The following HTD2 variants were observed in gnomAD, a reference collection of about 807,000 sequenced individuals.
The protein encoded by HTD2 is hydroxyacyl-thioester dehydratase type 2.
A neutral mutation model predicts 3.1 loss-of-function variants in HTD2; 1 was observed. That is an observed-to-expected ratio of 0.32 (90% CI 0.11 to 1.52). The LOEUF is 1.52. Ranked by LOEUF, HTD2 falls within the 40% of genes most tolerant of loss-of-function variation. HTD2 has a pLI of 0.39. For missense variants in HTD2, 150 were observed against 79.6 expected (o/e 1.88, Z -3.36); for synonymous variants, 50 against 28.9 (o/e 1.73, Z -2.34).
In HTD2 at chr3:58,316,366, G is replaced by A; in HGVS notation, c.-330-149G>A. ...CAGAACATTCTAGGCAGGGGGAGCT[G>A]TAAGTAGGCAACTAAAGTGCCAGCA... On this transcript the variant is annotated intron_variant, in intron 2 of 4. Coordinates refer to ENST00000461393, the MANE Select transcript of HTD2 (RefSeq NM_001348712.2). 3 of 661,934 alleles carry A rather than the reference G, an allele frequency of 4.5e-6. No homozygotes were observed. The African/African-American group carries it at 5.4e-5, about 12-fold the overall frequency. 41.0% of individuals were successfully genotyped at this position (661,934 alleles called of 1,614,324 possible).
Position 58,317,751 on chromosome 3 carries a change from G to A in HTD2, c.138G>A (p.Arg46=). 1.4e-6 allele frequency: 1 copy of A among 703,290 alleles called. No individual in the cohort carries two copies. The highest frequency in any genetic ancestry group is 2.6e-6 in the Non-Finnish European group (1 of 385,010). 43.6% of individuals were successfully genotyped at this position (703,290 alleles called of 1,614,324 possible). A position where few individuals can be genotyped will look rare whatever the true frequency, so the allele number is the denominator to read the frequency against. Residue 46 remains arginine (R), a synonymous_variant, in exon 5 of 5, where the codon AGG becomes AGA. Transcript: ENST00000461393. ...IKVGDRAELR[R]AFTQTDVATF... ...TTGGAGACCGCGCTGAACTTAGGAG[G>A]GCCTTCACACAGACTGATGTGGCTA...
intron 2 of HTD2, among the ~76,000 whole-genome samples, chr3:58,314,244 G>A (rs917019076): frequency 2.6e-5 from 4 of 152,128 alleles, no homozygotes; most frequent in Non-Finnish European, 4.4e-5. Flanking sequence ...CCAGCTACTC[G>A]GGAGGTTAAG....
At chr3:58,308,707 G>T (rs958295006) in intron 1 of HTD2, among the ~76,000 whole-genome samples, 2 of 152,204 alleles carry the variant, frequency 1.3e-5, no homozygotes, top group Admixed American at 1.3e-4. Flanking sequence ...CCATAGCTCT[G>T]TGACCTTGGA....
chr3:58,316,312 GA>G (rs2097488227), intron 2 of HTD2, among the ~76,000 whole-genome samples: 3 of 152,216 alleles, frequency 2.0e-5, no homozygotes, highest in Admixed American at 2.0e-4. Flanking sequence ...CAAAGGATGA[GA>G]GACATCAGCC....
chr3:58,313,246 G>A (rs1241635810), intron 2 of HTD2, among the ~76,000 whole-genome samples: 42 of 151,948 alleles, frequency 2.8e-4, no homozygotes, highest in African/African-American at 9.4e-4. Flanking sequence ...GCGACAGAGC[G>A]AGACTCGGTC....
intron 2 of HTD2, chr3:58,315,803 A>G (rs2097487682): frequency 3.3e-5 from 5 of 152,472 alleles, no homozygotes; most frequent in East Asian, 1.9e-4. Context: ...CAGCCTCGCA[A>G]GTAGCTGGGA....
intron 1 of HTD2, among the ~76,000 whole-genome samples, chr3:58,308,559 C>T (rs895547728): frequency 1.3e-5 from 2 of 152,110 alleles, no homozygotes; most frequent in African/African-American, 2.4e-5. Flanking sequence ...ATGAGCACCA[C>T]GCCAGGCCCC....
At position 58,319,106 on chromosome 3, in the gene HTD2, G is replaced by A. The variant is rs1336484365; in HGVS notation, c.*986G>A. On this transcript the variant is annotated 3_prime_UTR_variant, in exon 5 of 5. Coordinates refer to ENST00000461393, the MANE Select transcript of HTD2 (RefSeq NM_001348712.2). The stretch of plus-strand genomic sequence containing the variant: ...AGCAGCTTGTCACTGTATTTTAACT[G>A]TGTAACAATTATTGAAGGCGAAAAT... 6.6e-6 allele frequency: 1 copy of A among 152,108 alleles called. No individual in the cohort carries two copies. The highest frequency in any genetic ancestry group is 2.4e-5 in the African/African-American group (1 of 41,416). The allele number at this position is 152,108 out of a possible 1,614,324, so 9.4% of individuals were successfully genotyped here. A position where few individuals can be genotyped will look rare whatever the true frequency, so the allele number is the denominator to read the frequency against.
At chr3:58,310,965 CAAA>C (rs3038127) in intron 2 of HTD2, among the ~76,000 whole-genome samples, 2,729 of 142,712 alleles carry the variant, frequency 0.019, 58 homozygotes, top group African/African-American at 0.053. Flanking sequence ...TTTCAAACAT[CAAA>C]AAAAAAAAAA....
chr3:58,309,600 C>G (rs1018460108), intron 1 of HTD2, among the ~76,000 whole-genome samples: 1 of 152,094 alleles, frequency 6.6e-6, no homozygotes, highest in African/African-American at 2.4e-5. Flanking sequence ...GTCTTAAAAA[C>G]CAAACAGGAG....
At chr3:58,314,675 A>ATTTTTTTTTTTTTT (rs751757663) in intron 2 of HTD2, among the ~76,000 whole-genome samples, 9 of 90,584 alleles carry the variant, frequency 9.9e-5, no homozygotes, top group Admixed American at 3.4e-4. Context: ...GTTTGGCAGT[A>ATTTTTTTTTTTTTT]TTTTTTTTTT....
chr3:58,308,542 T>A (rs1454593960), intron 1 of HTD2, among the ~76,000 whole-genome samples: 1 of 152,134 alleles, frequency 6.6e-6, no homozygotes. Context: ...CTGTTGAGAT[T>A]ACAGGCATGA....
rs1433433716 is a variant in HTD2, at chr3:58,319,490, GTT to G, written c.*1371_*1372del. ...TGAGTTTGAAGCTGACTGGCCCACAGTTAAACGTAACAGACCAGTTTTTCAGG... is the reference window on the plus strand; with the variant it reads ...TGAGTTTGAAGCTGACTGGCCCACAGAAACGTAACAGACCAGTTTTTCAGG... On this transcript the variant is annotated 3_prime_UTR_variant, in exon 5 of 5. Coordinates refer to ENST00000461393, the MANE Select transcript of HTD2 (RefSeq NM_001348712.2). The G allele has an allele frequency of 6.6e-6, 1 of 152,162 alleles. No homozygotes were observed. Among genetic ancestry groups the G allele is most frequent in the Non-Finnish European group, 1.5e-5 (1 of 68,034 alleles). The allele number at this position is 152,162 out of a possible 1,614,324, so 9.4% of individuals were successfully genotyped here. A position where few individuals can be genotyped will look rare whatever the true frequency, so the allele number is the denominator to read the frequency against.
chr3:58,308,769 A>T (rs1035801825), intron 1 of HTD2, among the ~76,000 whole-genome samples: 4 of 150,958 alleles, frequency 2.6e-5, no homozygotes, highest in African/African-American at 9.7e-5. Context: ...GTAGTGGGGG[A>T]TCCATATATT....
chr3:58,319,025 T>G lies in HTD2; in HGVS notation c.*905T>G, dbSNP rs1259396880. 6.6e-6 allele frequency: 1 copy of G among 152,104 alleles called. No homozygotes were observed. The highest frequency in any genetic ancestry group is 1.9e-4 in the East Asian group (1 of 5,202). 9.4% of individuals were successfully genotyped at this position (152,104 alleles called of 1,614,324 possible). On this transcript the variant is annotated 3_prime_UTR_variant, in exon 5 of 5. Coordinates refer to ENST00000461393, the MANE Select transcript of HTD2 (RefSeq NM_001348712.2). ...AAAAAAAGATTCTACTTTTAGAAAT[T>G]CAGACCTAGATAGATTTGCATTTGG... is the stretch of plus-strand genomic sequence containing the variant.
At chr3:58,313,593 C>T (rs1007744807) in intron 2 of HTD2, among the ~76,000 whole-genome samples, 20 of 152,136 alleles carry the variant, frequency 1.3e-4, no homozygotes, top group African/African-American at 4.3e-4. Flanking sequence ...AGAGGCCAAG[C>T]GGGTGGATCA....
Position 58,317,778 on chromosome 3 carries a change from C to T in HTD2, c.165C>T (p.Thr55=). ...CCTTCACACAGACTGATGTGGCTAC[C>T]TTCTCAGAATTAACAGGGGATGTCA... The part of the protein sequence containing the change: ...RRAFTQTDVA[T]FSELTGDVNP... The change falls in exon 5 of 5, where the codon ACC becomes ACT. Residue 55 remains threonine (T), a synonymous_variant. Coordinates refer to ENST00000461393, the MANE Select transcript of HTD2 (RefSeq NM_001348712.2). 1 of 703,134 alleles carries T rather than the reference C, an allele frequency of 1.4e-6. No homozygotes were observed. The highest frequency in any genetic ancestry group is 2.7e-5 in the East Asian group (1 of 37,294). 43.6% of individuals were successfully genotyped at this position (703,134 alleles called of 1,614,324 possible).
At chr3:58,310,627 A>G (rs762537418) in intron 2 of HTD2, 36 bp downstream of exon 2, 45 of 1,557,384 alleles carry the variant, frequency 2.9e-5, no homozygotes, top group Non-Finnish European at 3.6e-5. Context: ...CATTCCAAAG[A>G]TCTTTGTAAG....
chr3:58,311,136 T>TTTG (rs144147590), intron 2 of HTD2, among the ~76,000 whole-genome samples: 56 of 150,228 alleles, frequency 3.7e-4, no homozygotes, highest in Non-Finnish European at 5.2e-4. Flanking sequence ...AAATCTACTT[T>TTTG]TTGTTGTTGT....
Sources: gnomAD v4.1 joint callset for allele counts (sites outside exome capture counted in the v4.1 genomes callset) on GRCh38, gnomAD v4.1.1 for gene constraint, MANE v1.5 for transcripts, NCBI Gene and HGNC (gene_info 2026-07-23, HGNC 2026-07-21) for gene names.